The following FAM120B variants were observed in gnomAD, a reference collection of about 807,000 sequenced individuals.
FAM120B encodes the protein constitutive coactivator of peroxisome proliferator-activated receptor gamma.
In FAM120B, 83 loss-of-function variants were observed where a neutral mutation model predicts 96.3. That is an observed-to-expected ratio of 0.86 (90% CI 0.72 to 1.03). FAM120B has a LOEUF of 1.03. Ranked by LOEUF, FAM120B falls within the 50% of genes least tolerant of loss-of-function variation. FAM120B has a pLI of 0.00. For synonymous variants in FAM120B, 407 were observed against 402.7 expected, an observed-to-expected ratio of 1.01 and a Z score of -0.13; for missense variants, 1,027 against 1,121.2, an observed-to-expected ratio of 0.92 and a Z score of 1.20.
In FAM120B at chr6:170,384,828, G is replaced by T. The variant is rs537154825; in HGVS notation, c.2284-3459G>T. 2.0e-5 allele frequency among the ~76,000 whole-genome samples: 3 copies of T among 152,338 alleles called. No individual in the cohort carries two copies. In the South Asian group the frequency reaches 6.2e-4, roughly 32 times the overall value. On this transcript the variant is annotated intron_variant, in intron 6 of 10. Coordinates refer to ENST00000476287, the MANE Select transcript of FAM120B (RefSeq NM_032448.3). ...TTGGTTTAAAAAAGAATATCTAACA[G>T]AAACTGTAGGGGGCCAGTGAAGCCT...
At chr6:170,346,597 G>A (rs1787205782) in intron 4 of FAM120B, among the ~76,000 whole-genome samples, 1 of 152,168 alleles carries the variant, frequency 6.6e-6, no homozygotes, top group Non-Finnish European at 1.5e-5. Context: ...ATTAAAGCCT[G>A]GAAGGAACCG....
rs1438590515 is a variant in FAM120B, at chr6:170,323,253, T to G, written c.1909T>G (p.Cys637Gly). 1 of 1,612,158 alleles carries G rather than the reference T, an allele frequency of 6.2e-7. No individual in the cohort carries two copies. ...QRVYSLLLED[C>G]QDVTSTCLAV... ...GGTCTACTCACTCTTACTGGAGGAC[T>G]GTCAAGGTGAGAATTGGTTGGTCCC... is the stretch of plus-strand genomic sequence containing the variant. The change falls in exon 3 of 11, where the codon TGT becomes GGT. Residue 637 changes from cysteine to glycine, a missense_variant. Cys to Gly is a radical substitution (Grantham distance 159, BLOSUM62 -3). Transcript: ENST00000476287.
intron 9 of FAM120B, among the ~76,000 whole-genome samples, chr6:170,400,988 C>G (rs1778548922): frequency 6.6e-6 from 1 of 152,174 alleles, no homozygotes; most frequent in Admixed American, 6.5e-5. Flanking sequence ...CAAAAGAACC[C>G]CCTTCCTTGG....
At chr6:170,353,965 A>G (rs1385729565) in intron 5 of FAM120B, among the ~76,000 whole-genome samples, 1 of 152,238 alleles carries the variant, frequency 6.6e-6, no homozygotes, top group Non-Finnish European at 1.5e-5. Context: ...AATAGCCAAG[A>G]CAATCCTAAG....
upstream of FAM120B, among the ~76,000 whole-genome samples, chr6:170,302,169 C>G (rs1425654777): frequency 2.0e-5 from 3 of 152,152 alleles, no homozygotes; most frequent in Admixed American, 2.0e-4. Context: ...TTAGGGAGGC[C>G]TCAGGAAACT....
At chr6:170,372,219 A>AT (rs971645002) in intron 6 of FAM120B, among the ~76,000 whole-genome samples, 1 of 152,058 alleles carries the variant, frequency 6.6e-6, no homozygotes, top group African/African-American at 2.4e-5. Context: ...TTTAAGAATG[A>AT]TTTTTTATAC....
At chr6:170,303,800 T>C (rs1489398761), upstream of FAM120B, among the ~76,000 whole-genome samples, 3 of 152,390 alleles carry the variant, frequency 2.0e-5, no homozygotes, top group Middle Eastern at 3.4e-3. Context: ...AGCCAAGACA[T>C]ATGCTATATC....
chr6:170,342,164 T>A (rs183484919), intron 4 of FAM120B, among the ~76,000 whole-genome samples: 1 of 152,280 alleles, frequency 6.6e-6, no homozygotes, highest in Non-Finnish European at 1.5e-5. Context: ...TTTTTTTGGT[T>A]TGGTTGTTTT....
At chr6:170,345,848 C>A (rs1167792017) in intron 4 of FAM120B, among the ~76,000 whole-genome samples, 2 of 152,220 alleles carry the variant, frequency 1.3e-5, no homozygotes, top group Non-Finnish European at 2.9e-5. Flanking sequence ...CACTAGACAG[C>A]CCTGCATTGC....
chr6:170,314,977 G>T (rs1784811977), intron 1 of FAM120B, among the ~76,000 whole-genome samples: 1 of 152,246 alleles, frequency 6.6e-6, no homozygotes, highest in South Asian at 2.1e-4. Context: ...TCTGGGAACT[G>T]CCTGGCCTGA....
At chr6:170,380,366 C>T (rs1414056614) in intron 6 of FAM120B, among the ~76,000 whole-genome samples, 2 of 152,150 alleles carry the variant, frequency 1.3e-5, no homozygotes, top group Non-Finnish European at 2.9e-5. Flanking sequence ...GGGTCTATAA[C>T]TACAAGTGAG....
chr6:170,343,465 C>A (rs1226400279), intron 4 of FAM120B, among the ~76,000 whole-genome samples: 1 of 151,864 alleles, frequency 6.6e-6, no homozygotes, highest in Non-Finnish European at 1.5e-5. Context: ...TATTTCTTGG[C>A]AAAATATTGA....
chr6:170,350,815 A>G (rs919234116), intron 5 of FAM120B, among the ~76,000 whole-genome samples: 2 of 152,232 alleles, frequency 1.3e-5, no homozygotes, highest in Admixed American at 6.5e-5. Flanking sequence ...TCAAAGATAG[A>G]TAAGCCTACA....
chr6:170,298,195 T>A (rs920627034), intron 1 of FAM120B: 1 of 152,176 alleles, frequency 6.6e-6, no homozygotes, highest in Admixed American at 6.5e-5. Context: ...TGCATTTGGC[T>A]GCTAGGAGAC....
rs1322473907 is a variant in FAM120B, at chr6:170,388,952, AAAGT to A, written c.2490+464_2490+467del. On this transcript the variant is annotated intron_variant, in intron 7 of 10. Coordinates refer to ENST00000476287, the MANE Select transcript of FAM120B (RefSeq NM_032448.3). The stretch of plus-strand genomic sequence containing the variant: ...GTATTATATACTGTATTCTTACAAT[AAAGT>A]AAGTGAGCTAGAGAAAAGAAAATGT... 3.9e-5 allele frequency among the ~76,000 whole-genome samples: 6 copies of A among 152,358 alleles called. No homozygotes were observed. In the South Asian group the frequency reaches 1.0e-3, roughly 26 times the overall value.
chr6:170,307,604 T>A (rs56371335), intron 1 of FAM120B, among the ~76,000 whole-genome samples: 18,584 of 152,074 alleles, frequency 0.12, 1,445 homozygotes, highest in African/African-American at 0.21. Context: ...AGTCTTGACA[T>A]ATTTGGGGAA....
rs146659066 is a variant in FAM120B, at chr6:170,379,734, CTGT to C, written c.2284-8548_2284-8546del. Among the ~76,000 whole-genome samples the C allele has an allele frequency of 3.9e-5, 6 of 152,206 alleles. No individual in the cohort carries two copies. In the East Asian group the frequency reaches 9.6e-4, roughly 24 times the overall value. ...CCGTGTATTTTATTATACACATTAA[CTGT>C]TGTTCTAAGAAAGTGTTCGTAGGCT... On this transcript the variant is annotated intron_variant, in intron 6 of 10. Transcript: ENST00000476287.
At chr6:170,348,000 G>T in intron 4 of FAM120B, 151 bp from the exon 5 acceptor site, 1 of 600,506 alleles carries the variant, frequency 1.7e-6, no homozygotes, top group Non-Finnish European at 2.7e-6. Flanking sequence ...GCTTTTTAAA[G>T]AAAATCACTA....
At chr6:170,321,129 G>A (rs1004462404) in intron 2 of FAM120B, among the ~76,000 whole-genome samples, 2 of 152,190 alleles carry the variant, frequency 1.3e-5, no homozygotes, top group Non-Finnish European at 2.9e-5. Context: ...TTGTTCACAT[G>A]GATTGAACTT....
Sources: allele counts gnomAD v4.1 joint callset (sites outside exome capture counted in the v4.1 genomes callset), GRCh38; gene constraint gnomAD v4.1.1; transcripts MANE v1.5; gene names NCBI Gene and HGNC (gene_info 2026-07-23, HGNC 2026-07-21).